The following PPP1R16B variants were observed in gnomAD, a reference collection of about 807,000 sequenced individuals.
PPP1R16B encodes the protein protein phosphatase 1 regulatory inhibitor subunit 16B.
Under a neutral mutation model 61.7 loss-of-function variants are expected in PPP1R16B, and 14 were observed. The ratio of observed to expected loss-of-function variants is 0.23; its 90% CI spans 0.15 to 0.35. PPP1R16B has a LOEUF of 0.35. PPP1R16B is among the 10% of genes least tolerant of loss of function. The probability of loss-of-function intolerance (pLI) is 1.00; values close to 1 mark genes in which losing one functional copy is unlikely to be tolerated. For missense variants in PPP1R16B, 547 were observed against 752.5 expected (o/e 0.73, Z 3.19); for synonymous variants, 266 against 305.3 (o/e 0.87, Z 1.34).
chr20:38,880,862 C>T (rs1162982602), intron 2 of PPP1R16B, among the ~76,000 whole-genome samples: 5 of 152,244 alleles, frequency 3.3e-5, no homozygotes, highest in Admixed American at 3.3e-4. Context: ...GATGGTAATG[C>T]TGTTTAACTT....
chr20:38,867,930 C>G (rs1046176070), intron 2 of PPP1R16B, among the ~76,000 whole-genome samples: 1 of 152,224 alleles, frequency 6.6e-6, no homozygotes, highest in Admixed American at 6.5e-5. Flanking sequence ...ATCTTGGCCT[C>G]CCTAAGTGCC....
At chr20:38,858,226 C>T (rs1282641651) in intron 2 of PPP1R16B, among the ~76,000 whole-genome samples, 2 of 152,062 alleles carry the variant, frequency 1.3e-5, no homozygotes, top group Non-Finnish European at 1.5e-5. Context: ...TATGAATTTG[C>T]GGGGAACACA....
intron 2 of PPP1R16B, among the ~76,000 whole-genome samples, chr20:38,846,030 C>T (rs558818510): frequency 2.0e-5 from 3 of 152,178 alleles, no homozygotes; most frequent in African/African-American, 7.2e-5. Flanking sequence ...TCAGTGATGG[C>T]TTTTGGGTTT....
chr20:38,820,640 A>G (rs1406494101), intron 1 of PPP1R16B, among the ~76,000 whole-genome samples: 1 of 152,068 alleles, frequency 6.6e-6, no homozygotes, highest in Non-Finnish European at 1.5e-5. Flanking sequence ...GTTTAATTTT[A>G]TAAGACATTG....
rs2085447584 is a variant in PPP1R16B at position 38,906,861 on chromosome 20, T to C, written c.823-118T>C. ...CTAGTTTGCAGGCCTTCCCTGGAAA[T>C]CAACTTTGTCCCACCATTCTTTGGG... On this transcript the variant is annotated intron_variant, in intron 7 of 10. Transcript: ENST00000299824. 5 of 830,286 alleles carry C rather than the reference T, an allele frequency of 6.0e-6. 1 individual carries two copies. In the South Asian group the frequency reaches 7.8e-5, roughly 13 times the overall value. 51.4% of individuals were successfully genotyped at this position (830,286 alleles called of 1,614,324 possible). A position where few individuals can be genotyped will look rare whatever the true frequency, so the allele number is the denominator to read the frequency against.
chr20:38,840,096 G>T (rs548403592), intron 2 of PPP1R16B, among the ~76,000 whole-genome samples: 1 of 152,320 alleles, frequency 6.6e-6, no homozygotes, highest in Admixed American at 6.5e-5. Flanking sequence ...TGGATGAGGG[G>T]TGTGAGGCTG....
At chr20:38,835,144 C>G (rs1477292402) in intron 1 of PPP1R16B, among the ~76,000 whole-genome samples, 1 of 152,220 alleles carries the variant, frequency 6.6e-6, no homozygotes, top group South Asian at 2.1e-4. Flanking sequence ...CTTTGAGAAG[C>G]ACTGCAATAG....
chr20:38,892,386 G>A (rs2085299013), intron 3 of PPP1R16B, among the ~76,000 whole-genome samples: 2 of 152,156 alleles, frequency 1.3e-5, no homozygotes, highest in African/African-American at 4.8e-5. Flanking sequence ...TTAGCTGCAT[G>A]AAGCTCCTGG....
chr20:38,895,520 C>A (rs1459987068), intron 3 of PPP1R16B, 45 bp from the exon 4 acceptor site: 2 of 1,599,070 alleles, frequency 1.3e-6, no homozygotes, highest in Non-Finnish European at 1.7e-6. Context: ...GGCCCGGGGC[C>A]CAGTGCCCTG....
intron 2 of PPP1R16B, among the ~76,000 whole-genome samples, chr20:38,887,080 A>C (rs950560370): frequency 2.6e-5 from 4 of 152,018 alleles, no homozygotes; most frequent in African/African-American, 9.7e-5. Context: ...TGTTAGTGTT[A>C]GAGGCAGATG....
Position 38,846,398 on chromosome 20 carries a change from G to C in PPP1R16B, c.250+10223G>C, listed in dbSNP as rs867529571. Among the ~76,000 whole-genome samples, 43 of 152,286 alleles carry C rather than the reference G, an allele frequency of 2.8e-4. 1 individual carries two copies. In the Middle Eastern group the frequency reaches 0.01, roughly 36 times the overall value. On this transcript the variant is annotated intron_variant, in intron 2 of 10. Coordinates refer to ENST00000299824, the MANE Select transcript of PPP1R16B (RefSeq NM_015568.4). The stretch of plus-strand genomic sequence containing the variant: ...CTCTGGGACACCTCAATAGCTGCAT[G>C]TTGACCCAAGAAGAAGAGAACAAAG...
At position 38,902,693 on chromosome 20, in the gene PPP1R16B, G is replaced by C; in HGVS notation, c.597G>C (p.Glu199Asp). ...YQGITQEKIN[E>D]MRVAPEQQMI... ...GCATCACCCAAGAGAAAATCAACGA[G>C]ATGCGGGTGGCTCCTGAGCAGCAGA... The change falls in exon 6 of 11, where the codon GAG becomes GAC. Residue 199 changes from glutamate (E) to aspartate (D), a missense_variant. Coordinates refer to ENST00000299824, the MANE Select transcript of PPP1R16B (RefSeq NM_015568.4). The C allele has an allele frequency of 2.5e-6, 4 of 1,614,230 alleles. No individual in the cohort carries two copies. Among genetic ancestry groups the C allele is most frequent in the Non-Finnish European group, 3.4e-6 (4 of 1,180,040 alleles).
chr20:38,865,597 A>G (rs2085085353), intron 2 of PPP1R16B, among the ~76,000 whole-genome samples: 1 of 152,140 alleles, frequency 6.6e-6, no homozygotes, highest in African/African-American at 2.4e-5. Flanking sequence ...GGCCTGCTGC[A>G]TTCTTTAGAT....
intron 1 of PPP1R16B, among the ~76,000 whole-genome samples, chr20:38,814,664 G>T (rs1190978342): frequency 1.3e-5 from 2 of 152,052 alleles, no homozygotes; most frequent in Non-Finnish European, 2.9e-5. Context: ...ATGTCCCCAG[G>T]AGCTGGGTCA....
At chr20:38,816,248 C>G (rs2084734595) in intron 1 of PPP1R16B, among the ~76,000 whole-genome samples, 1 of 152,190 alleles carries the variant, frequency 6.6e-6, no homozygotes, top group African/African-American at 2.4e-5. Context: ...GAGTTTGCAG[C>G]TGGCACTGAT....
intron 2 of PPP1R16B, among the ~76,000 whole-genome samples, chr20:38,861,162 T>A (rs548205061): frequency 6.6e-6 from 1 of 152,330 alleles, no homozygotes; most frequent in East Asian, 1.9e-4. Flanking sequence ...ATGACACACC[T>A]GCTGTGTGAC....
In PPP1R16B at chr20:38,902,700, G is replaced by T. The variant is rs1267499880; in HGVS notation, c.604G>T (p.Val202Leu). The change falls in exon 6 of 11, where the codon GTG becomes TTG. Residue 202 changes from valine (V) to leucine (L), a missense_variant. Coordinates refer to ENST00000299824, the MANE Select transcript of PPP1R16B (RefSeq NM_015568.4). ...CCAAGAGAAAATCAACGAGATGCGG[G>T]TGGCTCCTGAGCAGCAGATGATTGC... Reference protein sequence around the residue: ...ITQEKINEMRVAPEQQMIADI... With the variant: ...ITQEKINEMRLAPEQQMIADI... 6.2e-7 allele frequency: 1 copy of T among 1,614,216 alleles called. No homozygotes were observed. The highest frequency in any genetic ancestry group is 8.5e-7 in the Non-Finnish European group (1 of 1,180,042).
At chr20:38,898,908 T>G (rs1197165478) in intron 4 of PPP1R16B, among the ~76,000 whole-genome samples, 1 of 152,064 alleles carries the variant, frequency 6.6e-6, no homozygotes, top group African/African-American at 2.4e-5. Flanking sequence ...ACCTAAATAA[T>G]AATTGGTATC....
chr20:38,848,072 T>G (rs1290708301), intron 2 of PPP1R16B, among the ~76,000 whole-genome samples: 2 of 152,228 alleles, frequency 1.3e-5, no homozygotes, highest in African/African-American at 4.8e-5. Flanking sequence ...ATATTATCTA[T>G]GGCTGCTTTC....
Sources: gnomAD v4.1 joint callset for allele counts (sites outside exome capture counted in the v4.1 genomes callset) on GRCh38, gnomAD v4.1.1 for gene constraint, MANE v1.5 for transcripts, NCBI Gene and HGNC (gene_info 2026-07-23, HGNC 2026-07-21) for gene names.